CHST13: variants seen among roughly 807,000 people sequenced by gnomAD.
The protein encoded by CHST13 is carbohydrate sulfotransferase 13.
Under a neutral mutation model 7.0 loss-of-function variants are expected in CHST13, and 1 was observed. The observed-to-expected ratio is 0.14, with a 90% CI of 0.05 to 0.68. The LOEUF (loss-of-function observed/expected upper bound fraction) is 0.68. Ranked by LOEUF, CHST13 falls within the 30% of genes least tolerant of loss-of-function variation. The pLI is 0.82. For missense variants in CHST13, 572 were observed against 507.9 expected (o/e 1.13, Z -1.21); for synonymous variants, 257 against 240.9 (o/e 1.07, Z -0.62).
chr3:126,530,549 C>T (rs1289440671), intron 1 of CHST13, among the ~76,000 whole-genome samples: 1 of 152,240 alleles, frequency 6.6e-6, no homozygotes, highest in Non-Finnish European at 1.5e-5. Context: ...AGGGACACGT[C>T]TCATCTGCAA....
chr3:126,539,763 C>A (rs1224847777), intron 2 of CHST13, among the ~76,000 whole-genome samples: 5 of 106,272 alleles, frequency 4.7e-5, no homozygotes, highest in African/African-American at 1.6e-4. Flanking sequence ...CACTCCACAC[C>A]ACACACACAG....
chr3:126,525,096 G>A (rs1936510983), intron 1 of CHST13, among the ~76,000 whole-genome samples: 1 of 152,190 alleles, frequency 6.6e-6, no homozygotes, highest in South Asian at 2.1e-4. Flanking sequence ...GGGCCAGAGA[G>A]TGGGGAGACA....
rs144944327 is a variant in CHST13, at chr3:126,540,873, T to A, written c.181-860T>A. Among the ~76,000 whole-genome samples the A allele has an allele frequency of 6.7e-3, 1,022 of 152,340 alleles. 7 individuals carry two copies. The highest frequency in any genetic ancestry group is 0.011 in the Non-Finnish European group (746 of 68,026). The stretch of plus-strand genomic sequence containing the variant: ...TCTCCACATCCTCACCAATTCCTAA[T>A]TGTCTTTTTAATTATATCCTGAAGG... On this transcript the variant is annotated intron_variant, in intron 2 of 2. Transcript: ENST00000319340.
Position 126,541,831 on chromosome 3 carries a change from G to A in CHST13, c.279G>A (p.Pro93=), listed in dbSNP as rs778742193. The change falls in exon 3 of 3, where the codon CCG becomes CCA. Residue 93 remains proline, a synonymous_variant. Coordinates refer to ENST00000319340, the MANE Select transcript of CHST13 (RefSeq NM_152889.3). The part of the protein sequence containing the change: ...RHSRRQRLLQ[P]EDLRHVLVDD... ...CACGCCGGCAGCGCCTGCTACAGCC[G>A]GAGGACCTGCGGCACGTGCTGGTGG... 15 of 1,571,396 alleles carry A rather than the reference G, an allele frequency of 9.5e-6. No homozygotes were observed. Among genetic ancestry groups the A allele is most frequent in the African/African-American group, 1.4e-5 (1 of 73,442 alleles).
chr3:126,540,589 T>C (rs552474482), intron 2 of CHST13, among the ~76,000 whole-genome samples: 220 of 152,362 alleles, frequency 1.4e-3, no homozygotes, highest in African/African-American at 5.1e-3. Context: ...GGCTGAGTCA[T>C]ATTCCATTGC....
At chr3:126,526,415 C>T (rs1014034644) in intron 1 of CHST13, among the ~76,000 whole-genome samples, 21 of 152,218 alleles carry the variant, frequency 1.4e-4, no homozygotes, top group African/African-American at 5.1e-4. Flanking sequence ...CCTGTGAGGG[C>T]TTCTGGCCTG....
intron 1 of CHST13, among the ~76,000 whole-genome samples, chr3:126,524,836 C>T (rs2107559957): frequency 6.6e-6 from 1 of 152,308 alleles, no homozygotes; most frequent in East Asian, 1.9e-4. Flanking sequence ...AAGCTTGGGC[C>T]ACTCGGTCCG....
Position 126,542,042 on chromosome 3 carries a change from C to T in CHST13, c.490C>T (p.Leu164=), listed in dbSNP as rs778705094. The change falls in exon 3 of 3, where the codon CTG becomes TTG. Residue 164 remains leucine (L), a synonymous_variant. Transcript: ENST00000319340. The part of the protein sequence containing the change: ...DFSPAEINRR[L]RAYLAFLFVR... ...CAGCCCCGCCGAGATCAACCGGCGC[C>T]TGCGCGCCTACTTGGCCTTCCTGTT... 5.1e-6 allele frequency: 8 copies of T among 1,576,106 alleles called. No individual in the cohort carries two copies. Among genetic ancestry groups the T allele is most frequent in the African/African-American group, 1.4e-5 (1 of 72,434 alleles).
chr3:126,535,210 G>C (rs201182787), intron 1 of CHST13, among the ~76,000 whole-genome samples: 1 of 148,856 alleles, frequency 6.7e-6, no homozygotes, highest in Non-Finnish European at 1.5e-5. Context: ...CAGCATCGCT[G>C]TCCCCAGCCG....
chr3:126,537,061 G>A (rs1483303358), intron 2 of CHST13, among the ~76,000 whole-genome samples: 2 of 152,184 alleles, frequency 1.3e-5, no homozygotes, highest in African/African-American at 4.8e-5. Flanking sequence ...TCCAGCAGGG[G>A]AAGATGTCAT....
chr3:126,528,657 G>C (rs1046714169), intron 1 of CHST13, among the ~76,000 whole-genome samples: 5 of 152,136 alleles, frequency 3.3e-5, no homozygotes, highest in Non-Finnish European at 5.9e-5. Context: ...GGGTCCGGAG[G>C]GTTCTGGAGG....
Position 126,542,302 on chromosome 3 carries a change from G to T in CHST13, c.750G>T (p.Ala250=). The T allele has an allele frequency of 6.4e-7, 1 of 1,566,832 alleles. No individual in the cohort carries two copies. Among genetic ancestry groups the T allele is most frequent in the Non-Finnish European group, 8.6e-7 (1 of 1,160,738 alleles). ...CCTTCAACGAGCACTGGGAGCGCGC[G>T]CACGCGCTCTGCCACCCGTGTCGCC... The part of the protein sequence containing the change: ...EEPFNEHWER[A]HALCHPCRLR... Residue 250 remains alanine (A), a synonymous_variant, in exon 3 of 3, where the codon GCG becomes GCT. Transcript: ENST00000319340.
intron 1 of CHST13, among the ~76,000 whole-genome samples, chr3:126,524,783 C>A (rs1010264526): frequency 6.6e-6 from 1 of 152,216 alleles, no homozygotes; most frequent in African/African-American, 2.4e-5. Flanking sequence ...CACCCCACGG[C>A]CCCTGGACAT....
At position 126,542,609 on chromosome 3, in the gene CHST13, C is replaced by G. The variant is rs767723826; in HGVS notation, c.*31C>G. 1 of 1,443,172 alleles carries G rather than the reference C, an allele frequency of 6.9e-7. No individual in the cohort carries two copies. Among genetic ancestry groups the G allele is most frequent in the African/African-American group, 1.5e-5 (1 of 66,826 alleles). The allele number at this position is 1,443,172 out of a possible 1,614,324, so 89.4% of individuals were successfully genotyped here. A position where few individuals can be genotyped will look rare whatever the true frequency, so the allele number is the denominator to read the frequency against. On this transcript the variant is annotated 3_prime_UTR_variant, in exon 3 of 3. Transcript: ENST00000319340. ...CTGGAGGTCCTGTGGCCACGCGGGGCAAGTGCCTTTCCGACAAGACCCCCG... is the reference window on the plus strand; with the variant it reads ...CTGGAGGTCCTGTGGCCACGCGGGGGAAGTGCCTTTCCGACAAGACCCCCG...
intron 1 of CHST13, among the ~76,000 whole-genome samples, chr3:126,531,072 T>G (rs1387159889): frequency 6.6e-6 from 1 of 152,236 alleles, no homozygotes; most frequent in Non-Finnish European, 1.5e-5. Context: ...TCCACGAACC[T>G]CTGTTTATTC....
chr3:126,529,309 T>C (rs1349795281), intron 1 of CHST13: 7 of 1,287,916 alleles, frequency 5.4e-6, no homozygotes, highest in Admixed American at 2.3e-5. Flanking sequence ...CTTGAGCAGC[T>C]CTCTCTGCTC....
At chr3:126,526,585 G>A (rs1392490355) in intron 1 of CHST13, among the ~76,000 whole-genome samples, 1 of 152,220 alleles carries the variant, frequency 6.6e-6, no homozygotes, top group Non-Finnish European at 1.5e-5. Flanking sequence ...GGCCACTGAA[G>A]GGCTACTGGC....
rs995065964 is a variant in CHST13 at position 126,536,710 on chromosome 3, G to C, written c.180+357G>C. Among the ~76,000 whole-genome samples the C allele has an allele frequency of 1.3e-4, 20 of 151,806 alleles. No individual in the cohort carries two copies. The East Asian group carries it at 3.9e-3, about 29-fold the overall frequency. On this transcript the variant is annotated intron_variant, in intron 2 of 2. Transcript: ENST00000319340. ...TGTGCTGCAGTGGGGAGGTGTGCAG[G>C]GACCCCCAGCCCCGGCGTGATTCTC...
chr3:126,533,340 AT>A (rs1333883461), intron 1 of CHST13, among the ~76,000 whole-genome samples: 1 of 152,116 alleles, frequency 6.6e-6, no homozygotes, highest in Non-Finnish European at 1.5e-5. Flanking sequence ...GTCTTTCACT[AT>A]TAAGTTATCT....
Sources: allele counts gnomAD v4.1 joint callset (sites outside exome capture counted in the v4.1 genomes callset), GRCh38; gene constraint gnomAD v4.1.1; transcripts MANE v1.5; gene names NCBI Gene and HGNC (gene_info 2026-07-23, HGNC 2026-07-21).